DMD: variants seen among roughly 807,000 people sequenced by gnomAD.
DMD encodes dystrophin, also known as mutant dystrophin.
Under a neutral mutation model 330.1 loss-of-function variants are expected in DMD, and 63 were observed. The ratio of observed to expected loss-of-function variants is 0.19; its 90% CI spans 0.16 to 0.24. DMD has a LOEUF of 0.24. DMD is among the 10% of genes least tolerant of loss of function. The pLI, the probability that DMD is intolerant of heterozygous loss-of-function variation, is 1.00. For missense variants in DMD, 3,344 were observed against 2,684.1 expected (o/e 1.25, Z -5.43); for synonymous variants, 1,223 against 959.8 (o/e 1.27, Z -5.07).
chrX:32,371,453 T>C (rs2147338877), intron 34 of DMD, among the ~76,000 whole-genome samples: 1 of 110,843 alleles, frequency 9.0e-6, no homozygotes, highest in South Asian at 3.8e-4. Context: ...GAAAATCTTA[T>C]TCTACCATTT....
intron 60 of DMD, among the ~76,000 whole-genome samples, chrX:31,403,482 T>C (rs949606385): frequency 1.8e-5 from 2 of 112,456 alleles, no homozygotes; most frequent in Non-Finnish European, 1.9e-5. Flanking sequence ...TATAAACTCA[T>C]ATTCATTCGA....
intron 1 of DMD, among the ~76,000 whole-genome samples, chrX:33,025,893 G>T (rs1370072871): frequency 9.0e-6 from 1 of 111,150 alleles, no homozygotes; most frequent in Non-Finnish European, 1.9e-5. Flanking sequence ...TTTCCTTGGG[G>T]GCTAGTTAAT....
At chrX:32,022,713 G>C (rs1279037373) in intron 44 of DMD, among the ~76,000 whole-genome samples, 1 of 112,039 alleles carries the variant, frequency 8.9e-6, no homozygotes, top group Non-Finnish European at 1.9e-5. Flanking sequence ...TTTTGATCAG[G>C]CCACAGGATG....
At chrX:32,355,270 T>C (rs184825009) in intron 37 of DMD, among the ~76,000 whole-genome samples, 171 of 111,158 alleles carry the variant, frequency 1.5e-3, no homozygotes, top group African/African-American at 5.2e-3. Context: ...AGTCAGTGTA[T>C]TGAAGTGGAC....
chrX:33,312,236 C>G (rs1441833193), intron 1 of DMD, among the ~76,000 whole-genome samples: 6 of 110,375 alleles, frequency 5.4e-5, no homozygotes, highest in Non-Finnish European at 1.1e-4. Context: ...TTTTTTTCAA[C>G]CAGACTCAGA....
At chrX:32,840,454 G>C (rs1410362908) in intron 4 of DMD, among the ~76,000 whole-genome samples, 1 of 111,396 alleles carries the variant, frequency 9.0e-6, no homozygotes, top group Non-Finnish European at 1.9e-5. Context: ...TTTAATTGAA[G>C]TGGAATATGC....
intron 1 of DMD, among the ~76,000 whole-genome samples, chrX:33,234,831 G>A (rs903544168): frequency 1.8e-5 from 2 of 111,623 alleles, no homozygotes; most frequent in African/African-American, 6.5e-5. Flanking sequence ...ACTTCTCTGG[G>A]TTTAGATCCC....
chrX:31,868,473 A>G (rs2093836760), intron 48 of DMD, among the ~76,000 whole-genome samples: 1 of 112,026 alleles, frequency 8.9e-6, no homozygotes. Context: ...CTCAATAAAT[A>G]TATTTAGGTA....
chrX:31,124,542 G>A (rs1317038489), intron 78 of DMD, among the ~76,000 whole-genome samples: 2 of 111,854 alleles, frequency 1.8e-5, no homozygotes, highest in Non-Finnish European at 3.8e-5. Context: ...TATGAAGTAT[G>A]AGAGGTACTG....
chrX:32,296,416 A>T (rs972446430), intron 42 of DMD, among the ~76,000 whole-genome samples: 4 of 109,899 alleles, frequency 3.6e-5, no homozygotes, highest in African/African-American at 1.3e-4. Flanking sequence ...CAAACAAACA[A>T]ACATCACTTC....
chrX:33,263,737 T>C (rs1457552246), intron 1 of DMD, among the ~76,000 whole-genome samples: 1 of 109,793 alleles, frequency 9.1e-6, no homozygotes, highest in East Asian at 2.8e-4. Flanking sequence ...GTAATAAAAA[T>C]AGTAATACAA....
At chrX:32,332,019 T>C (rs930995272) in intron 41 of DMD, among the ~76,000 whole-genome samples, 4 of 111,578 alleles carry the variant, frequency 3.6e-5, no homozygotes, top group African/African-American at 1.3e-4. Context: ...ATTATTTGCT[T>C]TAACTTAATA....
At chrX:32,981,366 G>A (rs1248386007) in intron 2 of DMD, among the ~76,000 whole-genome samples, 1 of 111,580 alleles carries the variant, frequency 9.0e-6, no homozygotes, top group Non-Finnish European at 1.9e-5. Flanking sequence ...GCCGAGGTTA[G>A]CATGCTTAGC....
intron 7 of DMD, among the ~76,000 whole-genome samples, chrX:32,794,988 T>A (rs921963117): frequency 8.9e-6 from 1 of 112,064 alleles, no homozygotes; most frequent in Non-Finnish European, 1.9e-5. Context: ...TACAGAACAC[T>A]GACAAAACAA....
chrX:31,742,142 T>C (rs1386365123), intron 51 of DMD, among the ~76,000 whole-genome samples: 1 of 112,539 alleles, frequency 8.9e-6, no homozygotes, highest in Non-Finnish European at 1.9e-5. Flanking sequence ...TTGCTTAAGA[T>C]AATGGTGTGG....
chrX:32,795,204 CA>C (rs1370565513), intron 7 of DMD, among the ~76,000 whole-genome samples: 1 of 111,719 alleles, frequency 9.0e-6, no homozygotes, highest in Non-Finnish European at 1.9e-5. Context: ...CAATCCTGAG[CA>C]AAAAGAACAA....
At chrX:31,840,503 A>G (rs756564634) in intron 48 of DMD, among the ~76,000 whole-genome samples, 1 of 107,512 alleles carries the variant, frequency 9.3e-6, no homozygotes, top group Admixed American at 1.0e-4. Flanking sequence ...ATGTACAGGT[A>G]TACCTCATTT....
chrX:32,914,485 A>G (rs2087602701), intron 2 of DMD, among the ~76,000 whole-genome samples: 1 of 112,365 alleles, frequency 8.9e-6, no homozygotes, highest in Non-Finnish European at 1.9e-5. Context: ...GTGGACAAGC[A>G]AGAGATAAAT....
chrX:32,853,114 C>T (rs1028257019), intron 2 of DMD, among the ~76,000 whole-genome samples: 1 of 112,135 alleles, frequency 8.9e-6, no homozygotes, highest in Non-Finnish European at 1.9e-5. Flanking sequence ...ATAGTGCATC[C>T]AGTGAAAATC....
Sources: allele counts gnomAD v4.1 joint callset (sites outside exome capture counted in the v4.1 genomes callset), GRCh38; gene constraint gnomAD v4.1.1; transcripts MANE v1.5; gene names NCBI Gene and HGNC (gene_info 2026-07-23, HGNC 2026-07-21).